The following SH3RF3 variants were observed in gnomAD, a reference collection of about 807,000 sequenced individuals.
SH3RF3 encodes SH3 domain containing ring finger 3.
A neutral mutation model predicts 66.3 loss-of-function variants in SH3RF3; 29 were observed. The observed-to-expected ratio is 0.44, with a 90% CI of 0.33 to 0.60. SH3RF3 has a LOEUF of 0.60. Among genes scored for constraint, SH3RF3 ranks in the 20% least tolerant of loss-of-function variants. SH3RF3 has a pLI of 0.04. For missense variants in SH3RF3, 1,194 were observed against 1,190.9 expected (o/e 1.00, Z -0.04); for synonymous variants, 583 against 532.0 (o/e 1.10, Z -1.32).
intron 2 of SH3RF3, among the ~76,000 whole-genome samples, chr2:109,359,567 G>T (rs1031315762): frequency 1.3e-5 from 2 of 152,078 alleles, no homozygotes; most frequent in African/African-American, 4.8e-5. Flanking sequence ...AATGTAAATT[G>T]TATCATGTTT....
At chr2:109,274,312 G>A (rs998335448) in intron 1 of SH3RF3, among the ~76,000 whole-genome samples, 4 of 152,148 alleles carry the variant, frequency 2.6e-5, no homozygotes, top group Non-Finnish European at 4.4e-5. Flanking sequence ...TTAAAAAACA[G>A]GTGGTCAAAC....
intron 5 of SH3RF3, among the ~76,000 whole-genome samples, chr2:109,428,903 C>G (rs532562487): frequency 6.6e-6 from 1 of 152,188 alleles, no homozygotes; most frequent in African/African-American, 2.4e-5. Context: ...AGGTGCTGCC[C>G]GGTTCTCCCT....
intron 4 of SH3RF3, among the ~76,000 whole-genome samples, chr2:109,399,584 T>C (rs994232309): frequency 6.6e-6 from 1 of 152,110 alleles, no homozygotes; most frequent in African/African-American, 2.4e-5. Flanking sequence ...AAGATCAGCT[T>C]GGGCAAGACC....
intron 1 of SH3RF3, among the ~76,000 whole-genome samples, chr2:109,167,629 C>A (rs1051221157): frequency 6.6e-6 from 1 of 152,088 alleles, no homozygotes; most frequent in Admixed American, 6.5e-5. Flanking sequence ...TGGAGTGCAG[C>A]GGCACGATCT....
intron 3 of SH3RF3, among the ~76,000 whole-genome samples, chr2:109,393,066 C>T (rs1187488995): frequency 6.6e-6 from 1 of 152,178 alleles, no homozygotes; most frequent in Admixed American, 6.5e-5. Context: ...CTTGCCTGCC[C>T]GTCTCAGTGA....
chr2:109,162,624 CATT>C (rs1427686266), intron 1 of SH3RF3, among the ~76,000 whole-genome samples: 1 of 152,128 alleles, frequency 6.6e-6, no homozygotes, highest in African/African-American at 2.4e-5. Context: ...TCCAGTCTAT[CATT>C]GTTGGACATT....
intron 1 of SH3RF3, among the ~76,000 whole-genome samples, chr2:109,202,895 G>A (rs1397771084): frequency 2.0e-5 from 3 of 152,224 alleles, no homozygotes; most frequent in Admixed American, 6.5e-5. Context: ...GCACAGTTTT[G>A]TCCCGATAGT....
intron 1 of SH3RF3, among the ~76,000 whole-genome samples, chr2:109,322,333 C>T (rs1682044954): frequency 6.6e-6 from 1 of 152,196 alleles, no homozygotes; most frequent in Non-Finnish European, 1.5e-5. Context: ...CCAGGGCCGG[C>T]AGAGGCAGAA....
intron 1 of SH3RF3, among the ~76,000 whole-genome samples, chr2:109,177,639 G>A (rs558578534): frequency 1.8e-3 from 279 of 152,084 alleles, no homozygotes; most frequent in African/African-American, 5.8e-3. Flanking sequence ...GAGGGTGAGG[G>A]GAGAGATGAT....
intron 1 of SH3RF3, among the ~76,000 whole-genome samples, chr2:109,271,228 G>A (rs111300441): frequency 0.02 from 3,048 of 152,178 alleles, 92 homozygotes; most frequent in African/African-American, 0.07. Context: ...AAGCAACAGG[G>A]AACCAGGAAT....
chr2:109,241,266 C>CAACAAA lies in SH3RF3; in HGVS notation c.574-106404_574-106403insAAAACA, dbSNP rs968159349. ...TTCCAGCCTAAGAATATAACAACAA[C>CAACAAA]AACAGAAAAGACAAATTCATTTGTA... On this transcript the variant is annotated intron_variant, in intron 1 of 9. Transcript: ENST00000309415. Among the ~76,000 whole-genome samples the CAACAAA allele has an allele frequency of 4.0e-5, 6 of 151,876 alleles. No individual in the cohort carries two copies. In the East Asian group the frequency reaches 7.8e-4, roughly 20 times the overall value.
chr2:109,140,478 T>G (rs1676920443), intron 1 of SH3RF3, among the ~76,000 whole-genome samples: 1 of 152,102 alleles, frequency 6.6e-6, no homozygotes, highest in South Asian at 2.1e-4. Flanking sequence ...CCTCCCAGGT[T>G]CACACCATTC....
chr2:109,437,513 G>A (rs1445303474), intron 7 of SH3RF3, among the ~76,000 whole-genome samples: 2 of 152,142 alleles, frequency 1.3e-5, no homozygotes, highest in African/African-American at 4.8e-5. Flanking sequence ...ATTAACACCG[G>A]CACTTTCAAA....
intron 8 of SH3RF3, among the ~76,000 whole-genome samples, chr2:109,470,452 G>A (rs1251479166): frequency 1.3e-5 from 2 of 152,186 alleles, no homozygotes; most frequent in African/African-American, 4.8e-5. Context: ...CGTCTGGGGA[G>A]ACACCACCCA....
At chr2:109,164,508 A>C (rs777051999) in intron 1 of SH3RF3, among the ~76,000 whole-genome samples, 5 of 151,574 alleles carry the variant, frequency 3.3e-5, no homozygotes, top group Non-Finnish European at 7.4e-5. Context: ...TTTTCTGTAG[A>C]CTCTTCGGCC....
chr2:109,202,452 A>G (rs912673555), intron 1 of SH3RF3, among the ~76,000 whole-genome samples: 1 of 152,346 alleles, frequency 6.6e-6, no homozygotes, highest in East Asian at 1.9e-4. Context: ...TACAATTACA[A>G]TTACACAGTA....
chr2:109,459,977 C>T (rs1006094356), intron 8 of SH3RF3, among the ~76,000 whole-genome samples: 1 of 152,292 alleles, frequency 6.6e-6, no homozygotes, highest in Admixed American at 6.5e-5. Context: ...AATATTGTCC[C>T]AGCCCTGCAA....
intron 1 of SH3RF3, among the ~76,000 whole-genome samples, chr2:109,183,115 A>T (rs1678107632): frequency 6.6e-6 from 1 of 152,238 alleles, no homozygotes; most frequent in African/African-American, 2.4e-5. Flanking sequence ...AGAAATCTTT[A>T]GAAGATTGTG....
At chr2:109,353,079 T>A (rs1380730798) in intron 2 of SH3RF3, among the ~76,000 whole-genome samples, 1 of 152,210 alleles carries the variant, frequency 6.6e-6, no homozygotes. Context: ...CTGTGCCACA[T>A]GGAGCCTCTG....
Sources: gnomAD v4.1 joint callset for allele counts (sites outside exome capture counted in the v4.1 genomes callset) on GRCh38, gnomAD v4.1.1 for gene constraint, MANE v1.5 for transcripts, NCBI Gene and HGNC (gene_info 2026-07-23, HGNC 2026-07-21) for gene names.